The following MTHFD1L variants were observed in gnomAD, a reference collection of about 807,000 sequenced individuals.
MTHFD1L encodes the protein monofunctional C1-tetrahydrofolate synthase, mitochondrial.
Under a neutral mutation model 119.5 loss-of-function variants are expected in MTHFD1L, and 81 were observed. The observed-to-expected ratio is 0.68, with a 90% confidence interval of 0.57 to 0.82. MTHFD1L has a LOEUF of 0.82. Ranked by LOEUF, MTHFD1L falls within the 40% of genes least tolerant of loss-of-function variation. MTHFD1L has a pLI of 0.00. For synonymous variants in MTHFD1L, 430 were observed against 475.2 expected (o/e 0.90, Z 1.24); for missense variants, 1,125 against 1,253.4 (o/e 0.90, Z 1.55).
At chr6:150,977,231 A>G (rs1776711970) in intron 20 of MTHFD1L, among the ~76,000 whole-genome samples, 1 of 152,218 alleles carries the variant, frequency 6.6e-6, no homozygotes, top group South Asian at 2.1e-4. Flanking sequence ...CTGTCTCCAT[A>G]TTACTGGTTT....
Position 151,004,025 on chromosome 6 carries a change from AAAG to A in MTHFD1L, c.2126-5792_2126-5790del, listed in dbSNP as rs1356586492. On this transcript the variant is annotated intron_variant, in intron 20 of 27. Coordinates refer to ENST00000367321, the MANE Select transcript of MTHFD1L (RefSeq NM_015440.5). Reference sequence around the variant, plus strand: ...CTTTTTTTTAAAAAAAAAAAAAAAAAAAGAGAGAGAGAGATTGGTGATTACTTT... The same window carrying A: ...CTTTTTTTTAAAAAAAAAAAAAAAAAAGAGAGAGAGATTGGTGATTACTTT... Among the ~76,000 whole-genome samples, 267 of 144,656 alleles carry A rather than the reference AAAG, an allele frequency of 1.8e-3. 1 individual carries two copies. The highest frequency in any genetic ancestry group is 7.3e-3 in the African/African-American group (255 of 35,094). The allele number at this position is 144,656 out of a possible 152,430, so 94.9% of individuals were successfully genotyped here.
chr6:150,937,858 G>A (rs1405786075), intron 12 of MTHFD1L, among the ~76,000 whole-genome samples: 1 of 152,178 alleles, frequency 6.6e-6, no homozygotes, highest in Non-Finnish European at 1.5e-5. Flanking sequence ...TACACACATG[G>A]GCGGTGTTGT....
At chr6:150,981,941 GC>G (rs1777559612) in intron 20 of MTHFD1L, among the ~76,000 whole-genome samples, 2 of 152,066 alleles carry the variant, frequency 1.3e-5, no homozygotes, top group African/African-American at 4.8e-5. Context: ...TTTTTAATTA[GC>G]CAGGTTTGGT....
rs1036225960 is a variant in MTHFD1L at position 150,889,354 on chromosome 6, A to G, written c.780+1373A>G. 3.3e-5 allele frequency among the ~76,000 whole-genome samples: 5 copies of G among 152,218 alleles called. No homozygotes were observed. The South Asian group carries it at 1.0e-3, about 32-fold the overall frequency. On this transcript the variant is annotated intron_variant, in intron 7 of 27. Coordinates refer to ENST00000367321, the MANE Select transcript of MTHFD1L (RefSeq NM_015440.5). ...TATAGAAAAAAATATAGGCGTATGCATTTAAGAGGTTGGCGTTGGAAGGAT... is the reference window on the plus strand; with the variant it reads ...TATAGAAAAAAATATAGGCGTATGCGTTTAAGAGGTTGGCGTTGGAAGGAT...
intron 13 of MTHFD1L, among the ~76,000 whole-genome samples, chr6:150,940,629 G>A (rs1792930683): frequency 6.6e-6 from 1 of 152,014 alleles, no homozygotes; most frequent in Non-Finnish European, 1.5e-5. Flanking sequence ...CACCCAGGCT[G>A]GAGTGCAATG....
At chr6:150,953,656 C>T (rs867450120) in intron 16 of MTHFD1L, among the ~76,000 whole-genome samples, 5 of 152,212 alleles carry the variant, frequency 3.3e-5, no homozygotes, top group South Asian at 2.1e-4. Context: ...CATCACTTAC[C>T]GGGCCATGTT....
intron 26 of MTHFD1L, among the ~76,000 whole-genome samples, chr6:151,076,365 T>A (rs763528870): frequency 6.6e-6 from 1 of 150,784 alleles, no homozygotes; most frequent in Admixed American, 6.6e-5. Flanking sequence ...AAAAAAAAGA[T>A]TGGGCTGGGC....
intron 20 of MTHFD1L, among the ~76,000 whole-genome samples, chr6:150,997,692 G>A (rs1384533373): frequency 1.3e-5 from 2 of 152,130 alleles, no homozygotes; most frequent in African/African-American, 4.8e-5. Context: ...TCAGGAGGCT[G>A]AGGTGGGAGG....
intron 1 of MTHFD1L, among the ~76,000 whole-genome samples, chr6:150,873,330 G>A (rs1779856681): frequency 1.3e-5 from 2 of 152,064 alleles, no homozygotes; most frequent in South Asian, 2.1e-4. Context: ...ATAAAAAGAA[G>A]TGTTCCTTTC....
intron 7 of MTHFD1L, among the ~76,000 whole-genome samples, chr6:150,892,264 T>A (rs1052656090): frequency 2.0e-5 from 3 of 152,268 alleles, no homozygotes; most frequent in African/African-American, 7.2e-5. Context: ...CTGTCACAGA[T>A]ACTTTTGCTA....
chr6:150,957,636 A>G lies in MTHFD1L; in HGVS notation c.1803+1565A>G, dbSNP rs935299307. ...AATGTCCAACAGTAGAGATGGTTGC[A>G]TATATTTGGTCCGCCATTTTGTCCC... On this transcript the variant is annotated intron_variant, in intron 17 of 27. Transcript: ENST00000367321. 3.3e-5 allele frequency among the ~76,000 whole-genome samples: 5 copies of G among 152,184 alleles called. No homozygotes were observed. In the East Asian group the frequency reaches 5.8e-4, roughly 18 times the overall value.
intron 27 of MTHFD1L, among the ~76,000 whole-genome samples, chr6:151,096,085 G>A (rs1398515999): frequency 6.6e-6 from 1 of 152,162 alleles, no homozygotes; most frequent in Non-Finnish European, 1.5e-5. Flanking sequence ...TTTCATTTCA[G>A]TCACGGGTAA....
chr6:150,870,657 A>C lies in MTHFD1L; in HGVS notation c.227+4608A>C, dbSNP rs182468773. On this transcript the variant is annotated intron_variant, in intron 1 of 27. Coordinates refer to ENST00000367321, the MANE Select transcript of MTHFD1L (RefSeq NM_015440.5). ...GCCGGGCGTGGTAGCTCATGACTGT[A>C]ATCCCAGCACTTTGGGAGGCTGAAG... 2.8e-3 allele frequency among the ~76,000 whole-genome samples: 422 copies of C among 152,238 alleles called. 2 individuals are homozygous for C. The highest frequency in any genetic ancestry group is 9.6e-3 in the African/African-American group (397 of 41,556).
intron 20 of MTHFD1L, among the ~76,000 whole-genome samples, chr6:150,996,961 G>A (rs1262894884): frequency 6.6e-6 from 1 of 152,178 alleles, no homozygotes; most frequent in African/African-American, 2.4e-5. Flanking sequence ...GCTCCCAGGG[G>A]CCACTGAGAG....
Position 150,932,639 on chromosome 6 carries a change from G to A in MTHFD1L, c.1257-4165G>A, listed in dbSNP as rs540628576. Among the ~76,000 whole-genome samples the A allele has an allele frequency of 4.6e-5, 7 of 152,070 alleles. No homozygotes were observed. In the East Asian group the frequency reaches 9.7e-4, roughly 21 times the overall value. ...ACAAAAATTAGCCAGGTGTGATGAC[G>A]TGCCTGTAGTCCCAGCTACTCAGGA... On this transcript the variant is annotated intron_variant, in intron 11 of 27. Transcript: ENST00000367321.
intron 19 of MTHFD1L, 63 bp from the exon 20 acceptor site, chr6:150,971,884 G>C: frequency 7.0e-7 from 1 of 1,433,124 alleles, no homozygotes; most frequent in Admixed American, 1.8e-5. Context: ...GCCCCAAATT[G>C]ATCTTGGTTT....
chr6:150,869,207 G>T (rs1415856303), intron 1 of MTHFD1L, among the ~76,000 whole-genome samples: 1 of 152,018 alleles, frequency 6.6e-6, no homozygotes, highest in Non-Finnish European at 1.5e-5. Context: ...CGTGCCGAAC[G>T]TGCAGGTTTG....
chr6:151,008,967 A>G (rs1349392785), intron 20 of MTHFD1L, among the ~76,000 whole-genome samples: 1 of 151,762 alleles, frequency 6.6e-6, no homozygotes, highest in Non-Finnish European at 1.5e-5. Flanking sequence ...CAATAAAAAA[A>G]AAAAATTAGC....
chr6:150,903,729 G>C (rs1226073181), intron 7 of MTHFD1L, among the ~76,000 whole-genome samples: 1 of 152,156 alleles, frequency 6.6e-6, no homozygotes, highest in Admixed American at 6.6e-5. Flanking sequence ...CAACAGGTCT[G>C]GCCTCGGCAA....
Sources: allele counts gnomAD v4.1 joint callset (sites outside exome capture counted in the v4.1 genomes callset), GRCh38; gene constraint gnomAD v4.1.1; transcripts MANE v1.5; gene names NCBI Gene and HGNC (gene_info 2026-07-23, HGNC 2026-07-21).